The following NIBAN3 variants were observed in gnomAD, a reference collection of about 807,000 sequenced individuals.
NIBAN3 encodes the protein protein Niban 3.
NIBAN3 carries 66 observed loss-of-function variants against 76.4 expected under a neutral mutation model. That is an observed-to-expected ratio of 0.86 (90% CI 0.71 to 1.06). The LOEUF (loss-of-function observed/expected upper bound fraction) is 1.06. NIBAN3 is among the 50% of genes least tolerant of loss of function. NIBAN3 has a pLI of 0.00. For missense variants in NIBAN3, 808 were observed against 810.7 expected (o/e 1.00, Z 0.04); for synonymous variants, 360 against 355.2 (o/e 1.01, Z -0.15).
chr19:17,546,097 T>C (rs2076049944), intron 12 of NIBAN3: 1 of 256,048 alleles, frequency 3.9e-6, no homozygotes. Flanking sequence ...CTCGCACTCT[T>C]GTCTTCTGGT....
In NIBAN3 at chr19:17,534,790, CAAAAAA is replaced by C. The variant is rs751685692; in HGVS notation, c.427+1101_427+1106del. Among the ~76,000 whole-genome samples, 583 of 75,782 alleles carry C rather than the reference CAAAAAA, an allele frequency of 7.7e-3. 5 individuals carry two copies. The highest frequency in any genetic ancestry group is 0.02 in the African/African-American group (538 of 27,114). The allele number at this position is 75,782 out of a possible 152,430, so 49.7% of individuals were successfully genotyped here. The stretch of plus-strand genomic sequence containing the variant: ...AGGGTGACAGAGCAAGACTCCATCT[CAAAAAA>C]AAAAAAAAAAAGAAAAGAAAAGAAA... On this transcript the variant is annotated intron_variant, in intron 4 of 14. Coordinates refer to ENST00000599164, the MANE Select transcript of NIBAN3 (RefSeq NM_001321827.2).
rs759213711 is a variant in NIBAN3 at position 17,543,534 on chromosome 19, C to T, written c.1457C>T (p.Ser486Leu). 3.1e-6 allele frequency: 5 copies of T among 1,613,988 alleles called. No individual in the cohort carries two copies. The highest frequency in any genetic ancestry group is 1.3e-5 in the African/African-American group (1 of 74,902). ...GGGTGTGTTGTGCAGAAATTCAAAT[C>T]GGACAGCGGGTTGGCGCAGAGGAGG... ...VRGRVLKKFK[S>L]DSGLAQRRFI... is the part of the protein sequence containing the mutation. The change falls in exon 12 of 15, where the codon TCG becomes TTG. Residue 486 changes from serine (S) to leucine (L), a missense_variant. Physicochemically the swap from Ser to Leu is moderately radical, Grantham distance 145 (BLOSUM62 -2). Coordinates refer to ENST00000599164, the MANE Select transcript of NIBAN3 (RefSeq NM_001321827.2).
chr19:17,529,545 C>T (rs374411229), intron 1 of NIBAN3, among the ~76,000 whole-genome samples: 2 of 152,252 alleles, frequency 1.3e-5, no homozygotes, highest in East Asian at 1.9e-4. Context: ...AGTCACCCAT[C>T]ACCCATATGA....
chr19:17,524,713 G>C (rs185113863), upstream of NIBAN3, among the ~76,000 whole-genome samples: 1 of 152,242 alleles, frequency 6.6e-6, no homozygotes, highest in Non-Finnish European at 1.5e-5. Flanking sequence ...ACCATTCAGG[G>C]CTGGTAGAGC....
intron 8 of NIBAN3, chr19:17,540,071 G>T: frequency 2.3e-6 from 1 of 432,540 alleles, no homozygotes. Context: ...GATAGGCGTG[G>T]CCTTGAGGCT....
intron 14 of NIBAN3, among the ~76,000 whole-genome samples, chr19:17,551,347 G>A (rs922847270): frequency 2.0e-5 from 3 of 151,556 alleles, no homozygotes; most frequent in Non-Finnish European, 2.9e-5. Context: ...CACCTGCCTC[G>A]GCCTCCCAAA....
rs1384337860 is a variant in NIBAN3, at chr19:17,530,841, C to A, written c.142C>A (p.Leu48Met). 2 of 1,613,668 alleles carry A rather than the reference C, an allele frequency of 1.2e-6. No individual in the cohort carries two copies. The highest frequency in any genetic ancestry group is 1.7e-5 in the Admixed American group (1 of 60,010). The change falls in exon 2 of 15, where the codon CTG becomes ATG. Residue 48 changes from leucine to methionine, a missense_variant. Leu to Met is a conservative substitution (Grantham distance 15). Transcript: ENST00000599164. ...ASVLRQISRELGPQEPTGSQL... is the reference protein window; with the variant it reads ...ASVLRQISREMGPQEPTGSQL... ...TGTCCTGCGGCAGATCTCTCGAGAG[C>A]TGGGCCCTCAGGAGCCGACCGGAAG...
chr19:17,532,825 G>A (rs1420660716), intron 3 of NIBAN3, among the ~76,000 whole-genome samples: 2 of 152,110 alleles, frequency 1.3e-5, no homozygotes, highest in African/African-American at 4.8e-5. Flanking sequence ...CGGCACGTGG[G>A]GAGCCCGTGG....
At chr19:17,547,961 T>G (rs986100931) in intron 13 of NIBAN3, among the ~76,000 whole-genome samples, 2 of 152,162 alleles carry the variant, frequency 1.3e-5, no homozygotes, top group Admixed American at 6.6e-5. Flanking sequence ...GACATCGTCT[T>G]AAAACAAACA....
intron 4 of NIBAN3, 71 bp from the exon 5 acceptor site, chr19:17,537,305 G>A (rs2075841725): frequency 6.9e-7 from 1 of 1,455,778 alleles, no homozygotes; most frequent in African/African-American, 1.4e-5. Flanking sequence ...AGGGACTGCT[G>A]TATGCATTTC....
rs148620566 is a variant in NIBAN3 at position 17,537,456 on chromosome 19, C to G, written c.508C>G (p.Arg170Gly). ...FPLFLQHPFR[R>G]HLCFSAATRE... ...GCTGTTCCTGCAGCACCCCTTCCGCCGGCACCTCTGCTTCTCTGCAGCCAC... is the reference window on the plus strand; with the variant it reads ...GCTGTTCCTGCAGCACCCCTTCCGCGGGCACCTCTGCTTCTCTGCAGCCAC... Residue 170 changes from arginine to glycine, a missense_variant, in exon 5 of 15, where the codon CGG becomes GGG. Arg to Gly is a moderately radical substitution (Grantham distance 125). Transcript: ENST00000599164. 5 of 1,613,728 alleles carry G rather than the reference C, an allele frequency of 3.1e-6. No homozygotes were observed. The highest frequency in any genetic ancestry group is 4.2e-6 in the Non-Finnish European group (5 of 1,180,020).
In NIBAN3 at chr19:17,542,671, C is replaced by T. The variant is rs571518186; in HGVS notation, c.1329+377C>T. ...TTCAGAAATGGGGAAGATAGGCCGGCGACATGGACGGGCAGATCGCGCAGT... is the reference window on the plus strand; with the variant it reads ...TTCAGAAATGGGGAAGATAGGCCGGTGACATGGACGGGCAGATCGCGCAGT... On this transcript the variant is annotated intron_variant, in intron 10 of 14. Transcript: ENST00000599164. This position sits in a 1 kb window ranked among gnomAD's most constrained non-coding sequence, Gnocchi z 4.8. 2.7e-4 allele frequency among the ~76,000 whole-genome samples: 41 copies of T among 152,212 alleles called. No homozygotes were observed. In the South Asian group the frequency reaches 7.7e-3, roughly 29 times the overall value.
At chr19:17,537,318 G>C in intron 4 of NIBAN3, 58 bp from the exon 5 acceptor site, 1 of 1,541,666 alleles carries the variant, frequency 6.5e-7, no homozygotes, top group Non-Finnish European at 8.9e-7. Context: ...TGCATTTCAG[G>C]GGTATTTTCT....
intron 2 of NIBAN3, among the ~76,000 whole-genome samples, chr19:17,531,302 A>G (rs944377951): frequency 4.3e-4 from 64 of 150,042 alleles, no homozygotes; most frequent in African/African-American, 1.1e-3. Flanking sequence ...ATTCCAGCCT[A>G]GGCAACAGAG....
In NIBAN3 at chr19:17,552,027, C is replaced by G; in HGVS notation, c.*129C>G. On this transcript the variant is annotated 3_prime_UTR_variant, in exon 15 of 15. Transcript: ENST00000599164. ...CTTCAGAAAACTGTACCATTTTATA[C>G]TCCAAGCAGCAGCATTTATTTGTGT... 1 of 506,300 alleles carries G rather than the reference C, an allele frequency of 2.0e-6. No homozygotes were observed. Among genetic ancestry groups the G allele is most frequent in the Admixed American group, 3.5e-5 (1 of 28,678 alleles). The allele number at this position is 506,300 out of a possible 1,614,324, so 31.4% of individuals were successfully genotyped here.
chr19:17,535,670 C>T (rs1298833368), intron 4 of NIBAN3, among the ~76,000 whole-genome samples: 1 of 151,422 alleles, frequency 6.6e-6, no homozygotes, highest in Non-Finnish European at 1.5e-5. Flanking sequence ...ATTGCTTGAA[C>T]CTGGGAGGCA....
chr19:17,540,825 C>T (rs2075936235), intron 9 of NIBAN3, among the ~76,000 whole-genome samples: 1 of 152,228 alleles, frequency 6.6e-6, no homozygotes. Flanking sequence ...CCTCGACCTC[C>T]CGGGCTTAAT....
At chr19:17,524,348 C>T (rs1373361467), upstream of NIBAN3, among the ~76,000 whole-genome samples, 2 of 151,566 alleles carry the variant, frequency 1.3e-5, no homozygotes, top group East Asian at 3.9e-4. Context: ...TGCAGTGGTC[C>T]GATTTCAGCT....
chr19:17,539,922 G>A (rs1418145367), intron 8 of NIBAN3, among the ~76,000 whole-genome samples, 157 bp downstream of exon 8: 1 of 152,002 alleles, frequency 6.6e-6, no homozygotes, highest in Non-Finnish European at 1.5e-5. Context: ...GGAACGGGTG[G>A]GGAAGGGGCG....
Sources: gnomAD v4.1 joint callset for allele counts (sites outside exome capture counted in the v4.1 genomes callset) on GRCh38, gnomAD v4.1.1 for gene constraint, Gnocchi (gnomAD v3.1) non-coding constraint, MANE v1.5 for transcripts, NCBI Gene and HGNC (gene_info 2026-07-23, HGNC 2026-07-21) for gene names.